ATRX: variants seen among roughly 807,000 people sequenced by gnomAD.
ATRX encodes the protein ATRX chromatin remodeler.
Under a neutral mutation model 172.6 loss-of-function variants are expected in ATRX, and 12 were observed. That is an observed-to-expected ratio of 0.07 (90% CI 0.04 to 0.11). The LOEUF (loss-of-function observed/expected upper bound fraction) is 0.11. ATRX is among the 10% of genes least tolerant of loss of function. The probability of loss-of-function intolerance (pLI) is 1.00; values close to 1 mark genes in which losing one functional copy is unlikely to be tolerated. For synonymous variants in ATRX, 674 were observed against 594.7 expected (o/e 1.13, Z -1.94); for missense variants, 1,368 against 1,767.4 (o/e 0.77, Z 4.05).
Position 77,646,554 on chromosome X carries a change from T to C in ATRX, c.4557+5560A>G, listed in dbSNP as rs139085700. On this transcript the variant is annotated intron_variant, in intron 15 of 34. Coordinates refer to ENST00000373344, the MANE Select transcript of ATRX (RefSeq NM_000489.6). ...AGAGAGAAACAGTTGGAGACATAAA[T>C]AGCCCAATATCAATAAAAGCGTAAA... Among the ~76,000 whole-genome samples, 4 of 111,630 alleles carry C rather than the reference T, an allele frequency of 3.6e-5. No individual in the cohort carries two copies. The Admixed American group carries it at 3.8e-4, about 11-fold the overall frequency.
chrX:77,752,603 T>C (rs782450819), intron 1 of ATRX, among the ~76,000 whole-genome samples: 2 of 112,094 alleles, frequency 1.8e-5, no homozygotes, highest in East Asian at 2.8e-4. Context: ...TGGCTATGGG[T>C]TGTCATAAAT....
At chrX:77,729,358 C>T (rs2074200512) in intron 1 of ATRX, among the ~76,000 whole-genome samples, 1 of 110,969 alleles carries the variant, frequency 9.0e-6, no homozygotes, top group Non-Finnish European at 1.9e-5. Flanking sequence ...TAAATATACC[C>T]CAAAAATATC....
intron 22 of ATRX, among the ~76,000 whole-genome samples, chrX:77,606,628 G>A (rs1345888546): frequency 1.8e-5 from 2 of 110,402 alleles, no homozygotes; most frequent in African/African-American, 6.6e-5. Context: ...CGATGGCTCA[G>A]TTTATGGAAA....
At chrX:77,636,178 G>A in intron 15 of ATRX, 122 bp from the exon 16 acceptor site, 1 of 685,447 alleles carries the variant, frequency 1.5e-6, no homozygotes, top group Non-Finnish European at 2.3e-6. Flanking sequence ...AATCCAATTG[G>A]TATGATTTGG....
intron 1 of ATRX, among the ~76,000 whole-genome samples, chrX:77,781,724 A>C (rs1224428184): frequency 1.8e-5 from 2 of 111,318 alleles, no homozygotes; most frequent in Non-Finnish European, 1.9e-5. Flanking sequence ...CTGCCCTGTT[A>C]TATTCAACAT....
intron 22 of ATRX, among the ~76,000 whole-genome samples, chrX:77,612,588 A>T (rs2067204215): frequency 9.0e-6 from 1 of 111,383 alleles, no homozygotes; most frequent in Non-Finnish European, 1.9e-5. Context: ...AGTAAAATAA[A>T]AATAAAATAA....
At chrX:77,733,527 C>T (rs1277799402) in intron 1 of ATRX, among the ~76,000 whole-genome samples, 1 of 109,542 alleles carries the variant, frequency 9.1e-6, no homozygotes, top group Non-Finnish European at 1.9e-5. Context: ...TTTTCTATTT[C>T]TAGAAAGGTG....
At chrX:77,636,405 C>T (rs782566289) in intron 15 of ATRX, among the ~76,000 whole-genome samples, 1 of 111,364 alleles carries the variant, frequency 9.0e-6, no homozygotes, top group Admixed American at 9.5e-5. Context: ...CTGCTCCCAC[C>T]ATGTGAGGTG....
intron 15 of ATRX, among the ~76,000 whole-genome samples, chrX:77,646,801 T>C (rs1275256436): frequency 2.7e-5 from 3 of 109,526 alleles, no homozygotes; most frequent in Non-Finnish European, 3.8e-5. Flanking sequence ...CATGCACCTA[T>C]GGTCCCAGCT....
intron 5 of ATRX, among the ~76,000 whole-genome samples, chrX:77,694,444 C>T (rs189429247): frequency 9.0e-6 from 1 of 110,972 alleles, no homozygotes; most frequent in African/African-American, 3.3e-5. Context: ...TTCTATTACT[C>T]CTGTATCTAT....
At chrX:77,548,858 A>G (rs1366944108) in intron 30 of ATRX, among the ~76,000 whole-genome samples, 1 of 112,240 alleles carries the variant, frequency 8.9e-6, no homozygotes, top group East Asian at 2.8e-4. Flanking sequence ...CGTAGAGAAA[A>G]CAAACCTAAA....
At chrX:77,533,765 T>A (rs1227159071) in intron 30 of ATRX, among the ~76,000 whole-genome samples, 1 of 111,715 alleles carries the variant, frequency 9.0e-6, no homozygotes, top group Non-Finnish European at 1.9e-5. Context: ...ACATGTATTC[T>A]GGAACTTAAA....
Position 77,682,549 on chromosome X carries a change from C to G in ATRX, c.2707G>C (p.Glu903Gln), listed in dbSNP as rs2148590712. Reference protein sequence around the residue: ...GTVDKDTTIMELRDRLPKKQQ... With the variant: ...GTVDKDTTIMQLRDRLPKKQQ... ...TTCTTAGGAAGTCGATCTCTTAATT[C>G]CATGATGGTCGTGTCTTTATCAACT... The change falls in exon 9 of 35, where the codon GAA becomes CAA. Residue 903 changes from glutamate to glutamine, a missense_variant. Glu to Gln is a conservative substitution (Grantham distance 29, BLOSUM62 2). Coordinates refer to ENST00000373344, the MANE Select transcript of ATRX (RefSeq NM_000489.6). 2.5e-6 allele frequency: 3 copies of G among 1,211,286 alleles called. No individual in the cohort carries two copies. The highest frequency in any genetic ancestry group is 3.4e-6 in the Non-Finnish European group (3 of 895,377).
At chrX:77,661,058 C>G (rs1456894887) in intron 12 of ATRX, among the ~76,000 whole-genome samples, 1 of 111,908 alleles carries the variant, frequency 8.9e-6, no homozygotes, top group Non-Finnish European at 1.9e-5. Context: ...AGGAACTAAT[C>G]TGATCATATG....
rs1307188502 is a variant in ATRX, at chrX:77,762,446, G to C, written c.20+23536C>G. Among the ~76,000 whole-genome samples the C allele has an allele frequency of 3.7e-5, 4 of 109,538 alleles. No individual in the cohort carries two copies. In the Admixed American group the frequency reaches 4.0e-4, roughly 11 times the overall value. ...ATACTGTATATATTACTTGTACATA[G>C]CTCTAAATATTTTAATAAAGGTTCG... is the stretch of plus-strand genomic sequence containing the variant. On this transcript the variant is annotated intron_variant, in intron 1 of 34. Coordinates refer to ENST00000373344, the MANE Select transcript of ATRX (RefSeq NM_000489.6).
chrX:77,556,133 G>A (rs903607529), intron 30 of ATRX, among the ~76,000 whole-genome samples: 46 of 101,796 alleles, frequency 4.5e-4, no homozygotes, highest in African/African-American at 1.4e-3. Context: ...CTGAGATTGC[G>A]CCACTGCACT....
At chrX:77,652,060 C>T in intron 15 of ATRX, 54 bp downstream of exon 15, 2 of 1,183,184 alleles carry the variant, frequency 1.7e-6, no homozygotes, top group Non-Finnish European at 2.3e-6. Context: ...GCCTGGGCAA[C>T]AGAGCAAGAC....
chrX:77,786,043 C>T lies in ATRX; in HGVS notation c.-42G>A. On this transcript the variant is annotated 5_prime_UTR_variant, in exon 1 of 35. Coordinates refer to ENST00000373344, the MANE Select transcript of ATRX (RefSeq NM_000489.6). ...CTTGTCGGCTTCTGTGATTGCTGGG[C>T]GCCGATCTGCGCTCCCCCGCGCCCG... 1 of 1,169,590 alleles carries T rather than the reference C, an allele frequency of 8.5e-7. No individual in the cohort carries two copies. Among genetic ancestry groups the T allele is most frequent in the Non-Finnish European group, 1.1e-6 (1 of 871,139 alleles).
At chrX:77,516,241 G>A (rs1341275144) in intron 34 of ATRX, among the ~76,000 whole-genome samples, 1 of 111,677 alleles carries the variant, frequency 9.0e-6, no homozygotes, top group Non-Finnish European at 1.9e-5. Flanking sequence ...TTTAAAAACA[G>A]AATAACAGTG....
Sources: gnomAD v4.1 joint callset for allele counts (sites outside exome capture counted in the v4.1 genomes callset) on GRCh38, gnomAD v4.1.1 for gene constraint, MANE v1.5 for transcripts, NCBI Gene and HGNC (gene_info 2026-07-23, HGNC 2026-07-21) for gene names.